The following CAMK2D variants were observed in gnomAD, a reference collection of about 807,000 sequenced individuals.
The protein encoded by CAMK2D is calcium/calmodulin-dependent protein kinase type II subunit delta.
In CAMK2D, 37 loss-of-function variants were observed where a neutral mutation model predicts 84.0. That is an observed-to-expected ratio of 0.44 (90% CI 0.34 to 0.58). CAMK2D has a LOEUF of 0.58. Among genes scored for constraint, CAMK2D ranks in the 20% least tolerant of loss-of-function variants. CAMK2D has a pLI of 0.02. For missense variants in CAMK2D, 448 were observed against 652.5 expected, an observed-to-expected ratio of 0.69 and a Z score of 3.41; for synonymous variants, 202 against 212.5, an observed-to-expected ratio of 0.95 and a Z score of 0.43.
At chr4:113,687,948 A>G (rs2099364761) in intron 2 of CAMK2D, among the ~76,000 whole-genome samples, 2 of 152,228 alleles carry the variant, frequency 1.3e-5, no homozygotes, top group South Asian at 2.1e-4. Context: ...AGCAGTACAC[A>G]GAATAATACT....
In CAMK2D at chr4:113,492,127, G is replaced by A. The variant is rs903097851; in HGVS notation, c.1135+8336C>T. ...TCATTAATTTTTTAAAGGGTTTTTT[G>A]TGTCTCTATTTCCTTCAGTTCTGCT... On this transcript the variant is annotated intron_variant, in intron 16 of 20. Coordinates refer to ENST00000511664, the MANE Select transcript of CAMK2D (RefSeq NM_001321571.2). Among the ~76,000 whole-genome samples the A allele has an allele frequency of 1.8e-4, 27 of 151,806 alleles. 1 individual carries two copies. Among genetic ancestry groups the A allele is most frequent in the African/African-American group, 6.5e-4 (27 of 41,388 alleles).
In CAMK2D at chr4:113,604,809, CTG is replaced by C. The variant is rs1366988216; in HGVS notation, c.275+4341_275+4342del. 3.9e-5 allele frequency among the ~76,000 whole-genome samples: 6 copies of C among 152,260 alleles called. No individual in the cohort carries two copies. In the East Asian group the frequency reaches 1.2e-3, roughly 29 times the overall value. On this transcript the variant is annotated intron_variant, in intron 4 of 20. Transcript: ENST00000511664. ...AAAAAATGATACAAGAAAAAATAAA[CTG>C]TGTGATTCTCATCATGCCCTTAATT...
chr4:113,578,809 C>T (rs528117608), intron 4 of CAMK2D, among the ~76,000 whole-genome samples: 4 of 152,300 alleles, frequency 2.6e-5, no homozygotes, highest in East Asian at 1.9e-4. Context: ...AAAAAATCCA[C>T]ATCTAATGCA....
At chr4:113,638,909 A>C (rs1280236195) in intron 3 of CAMK2D, among the ~76,000 whole-genome samples, 1 of 152,170 alleles carries the variant, frequency 6.6e-6, no homozygotes, top group Non-Finnish European at 1.5e-5. Flanking sequence ...CCAGGCAGCT[A>C]ATAACCTAGC....
intron 4 of CAMK2D, 50 bp from the exon 5 acceptor site, chr4:113,552,146 A>C (rs776397853): frequency 5.0e-6 from 5 of 1,005,788 alleles, no homozygotes; most frequent in African/African-American, 4.9e-5. Flanking sequence ...AAAAAAAAAT[A>C]AGCATCAATA....
At chr4:113,481,642 G>A (rs901899960) in intron 16 of CAMK2D, among the ~76,000 whole-genome samples, 4 of 152,056 alleles carry the variant, frequency 2.6e-5, no homozygotes, top group African/African-American at 9.7e-5. Flanking sequence ...ACCACACCTG[G>A]CTAATTTTGT....
intron 2 of CAMK2D, among the ~76,000 whole-genome samples, chr4:113,709,938 ACTTTTAT>A (rs1462334664): frequency 2.0e-5 from 3 of 150,784 alleles, no homozygotes; most frequent in African/African-American, 7.3e-5. Flanking sequence ...GCAAACCTGC[ACTTTTAT>A]CTTTAACTTC....
intron 4 of CAMK2D, among the ~76,000 whole-genome samples, chr4:113,602,069 A>G (rs2098955646): frequency 6.6e-6 from 1 of 152,110 alleles, no homozygotes; most frequent in Non-Finnish European, 1.5e-5. Context: ...AGTATTTTCA[A>G]AGGGATTACA....
intron 5 of CAMK2D, among the ~76,000 whole-genome samples, chr4:113,549,821 A>T (rs533113417): frequency 1.1e-4 from 16 of 152,322 alleles, no homozygotes; most frequent in African/African-American, 3.4e-4. Context: ...TTACAATGTA[A>T]ATATTTTAAA....
chr4:113,492,457 T>C (rs986976049), intron 16 of CAMK2D, among the ~76,000 whole-genome samples: 4 of 152,170 alleles, frequency 2.6e-5, no homozygotes, highest in Non-Finnish European at 5.9e-5. Context: ...CGGTTTTGAG[T>C]GAGATTCTTA....
chr4:113,468,828 T>C (rs2097510433), intron 16 of CAMK2D, among the ~76,000 whole-genome samples: 2 of 152,204 alleles, frequency 1.3e-5, no homozygotes, highest in African/African-American at 4.8e-5. Flanking sequence ...CAGTAAGGTG[T>C]TCCCTGAATA....
chr4:113,736,462 A>G (rs1322409176), intron 2 of CAMK2D, among the ~76,000 whole-genome samples: 1 of 152,180 alleles, frequency 6.6e-6, no homozygotes, highest in Non-Finnish European at 1.5e-5. Context: ...ATTTTGTCAA[A>G]GTTTGTTTCT....
At chr4:113,717,313 A>G (rs758763847) in intron 2 of CAMK2D, among the ~76,000 whole-genome samples, 26 of 152,198 alleles carry the variant, frequency 1.7e-4, no homozygotes, top group Non-Finnish European at 3.4e-4. Context: ...AAAAAATAAG[A>G]GAAAAATCCT....
At chr4:113,496,653 C>T (rs907653719) in intron 16 of CAMK2D, among the ~76,000 whole-genome samples, 3 of 151,742 alleles carry the variant, frequency 2.0e-5, no homozygotes, top group East Asian at 1.9e-4. Context: ...TTCACCATGT[C>T]GGTCAGGCTA....
intron 2 of CAMK2D, among the ~76,000 whole-genome samples, chr4:113,672,572 G>C (rs929066915): frequency 1.3e-5 from 2 of 151,584 alleles, no homozygotes; most frequent in Non-Finnish European, 2.9e-5. Flanking sequence ...AATATCCTTT[G>C]AATTGAAAAA....
chr4:113,641,941 T>C (rs2099133811), intron 3 of CAMK2D, among the ~76,000 whole-genome samples: 1 of 151,712 alleles, frequency 6.6e-6, no homozygotes, highest in Admixed American at 6.6e-5. Flanking sequence ...ACCCGGGAGG[T>C]GGAGGTTGCG....
In CAMK2D at chr4:113,517,662, A is replaced by G. The variant is rs79705764; in HGVS notation, c.602-5T>C. ...GTAGAATATAGAGAATGACACCTGG[A>G]GGAGAATATAATGTTAACACAATTT... On this transcript the variant is annotated splice_polypyrimidine_tract_variant and splice_region_variant and intron_variant, in intron 8 of 20. Transcript: ENST00000511664. 5.1e-3 allele frequency: 6,954 copies of G among 1,363,048 alleles called. 245 individuals are homozygous for G. In the African/African-American group the frequency reaches 0.086, roughly 17 times the overall value. The allele number at this position is 1,363,048 out of a possible 1,614,324, so 84.4% of individuals were successfully genotyped here. A position where few individuals can be genotyped will look rare whatever the true frequency, so the allele number is the denominator to read the frequency against.
intron 2 of CAMK2D, among the ~76,000 whole-genome samples, chr4:113,671,404 A>G (rs972895504): frequency 6.6e-6 from 1 of 152,216 alleles, no homozygotes; most frequent in Admixed American, 6.5e-5. Flanking sequence ...CTTCATATGC[A>G]CAGACTCCTG....
chr4:113,686,158 A>C (rs533939250), intron 2 of CAMK2D, among the ~76,000 whole-genome samples: 1 of 152,296 alleles, frequency 6.6e-6, no homozygotes, highest in African/African-American at 2.4e-5. Flanking sequence ...TCTGCTATTA[A>C]AACTTAATTT....
Sources: allele counts gnomAD v4.1 joint callset (sites outside exome capture counted in the v4.1 genomes callset), GRCh38; gene constraint gnomAD v4.1.1; transcripts MANE v1.5; gene names NCBI Gene and HGNC (gene_info 2026-07-23, HGNC 2026-07-21).